Variants in AK7 observed in about 807,000 individuals in gnomAD.
AK7 encodes the protein adenylate kinase 7, also known as ATP-AMP transphosphorylase 7.
Under a neutral mutation model 96.6 loss-of-function variants are expected in AK7, and 78 were observed. The observed-to-expected ratio is 0.81, with a 90% CI of 0.67 to 0.97. The LOEUF is 0.97. Ranked by LOEUF, AK7 falls within the 50% of genes least tolerant of loss-of-function variation. The probability of loss-of-function intolerance (pLI) is 0.00; values close to 1 mark genes in which losing one functional copy is unlikely to be tolerated. For synonymous variants in AK7, 302 were observed against 317.2 expected, an observed-to-expected ratio of 0.95 and a Z score of 0.51; for missense variants, 855 against 887.9, an observed-to-expected ratio of 0.96 and a Z score of 0.47.
At chr14:96,420,023 G>A (rs576620813) in intron 4 of AK7, among the ~76,000 whole-genome samples, 2 of 150,146 alleles carry the variant, frequency 1.3e-5, no homozygotes, top group South Asian at 2.1e-4. Context: ...CTGCCACCAC[G>A]CCTGGCTAAT....
intron 2 of AK7, among the ~76,000 whole-genome samples, chr14:96,401,899 C>G (rs1001173245): frequency 1.3e-5 from 2 of 152,176 alleles, no homozygotes; most frequent in Non-Finnish European, 2.9e-5. Flanking sequence ...AGATGTACCT[C>G]TATGACAGCC....
At position 96,488,981 on chromosome 14, in the gene AK7, G is replaced by T. The variant is rs1376272980; in HGVS notation, c.*638G>T. 1.3e-5 allele frequency: 2 copies of T among 152,052 alleles called. No individual in the cohort carries two copies. The highest frequency in any genetic ancestry group is 6.6e-5 in the Admixed American group (1 of 15,262). The allele number at this position is 152,052 out of a possible 1,614,324, so 9.4% of individuals were successfully genotyped here. ...TTCCAATCTTTGTGATAAGTGAGAA[G>T]TTGCTAAATATTTTCAACACACTTT... On this transcript the variant is annotated 3_prime_UTR_variant, in exon 18 of 18. Transcript: ENST00000267584.
At chr14:96,486,755 T>C in intron 16 of AK7, 143 bp from the exon 17 acceptor site, 1 of 683,188 alleles carries the variant, frequency 1.5e-6, no homozygotes, top group Non-Finnish European at 2.4e-6. Flanking sequence ...ATTTATGTCT[T>C]TTCTCTGCTG....
At chr14:96,466,575 G>A (rs2140144725) in intron 12 of AK7, among the ~76,000 whole-genome samples, 1 of 151,666 alleles carries the variant, frequency 6.6e-6, no homozygotes, top group South Asian at 2.1e-4. Context: ...ATCTCCCTAT[G>A]TTGCCTAGGC....
At chr14:96,466,737 T>C (rs1422745258) in intron 12 of AK7, among the ~76,000 whole-genome samples, 1 of 152,128 alleles carries the variant, frequency 6.6e-6, no homozygotes, top group Non-Finnish European at 1.5e-5. Flanking sequence ...AGGATTAACA[T>C]GAAAAATACA....
chr14:96,421,717 T>C (rs1010986610), intron 5 of AK7, among the ~76,000 whole-genome samples: 33 of 151,820 alleles, frequency 2.2e-4, no homozygotes, highest in African/African-American at 7.5e-4. Flanking sequence ...ATCATTCTCC[T>C]GCCTCAGCCT....
intron 14 of AK7, among the ~76,000 whole-genome samples, chr14:96,476,404 C>T (rs1895181352): frequency 6.6e-6 from 1 of 151,090 alleles, no homozygotes; most frequent in Non-Finnish European, 1.5e-5. Flanking sequence ...ACTTGGGAGG[C>T]TGAGGCAGGA....
At chr14:96,459,782 C>T (rs367856138) in intron 12 of AK7, among the ~76,000 whole-genome samples, 2 of 151,792 alleles carry the variant, frequency 1.3e-5, no homozygotes, top group Admixed American at 6.6e-5. Context: ...AAGGCTGAGG[C>T]AGGAGAATCG....
At chr14:96,487,239 G>T (rs1430291380) in intron 17 of AK7, among the ~76,000 whole-genome samples, 183 bp downstream of exon 17, 2 of 148,724 alleles carry the variant, frequency 1.3e-5, no homozygotes, top group Non-Finnish European at 3.0e-5. Flanking sequence ...AAAAAAATTA[G>T]CTGGGTGTGG....
intron 10 of AK7, among the ~76,000 whole-genome samples, chr14:96,452,149 T>C (rs1893641513): frequency 6.6e-6 from 1 of 152,230 alleles, no homozygotes; most frequent in Non-Finnish European, 1.5e-5. Flanking sequence ...ATAGATTATA[T>C]ACATGTATCC....
chr14:96,469,703 T>C (rs1349068098), intron 12 of AK7, among the ~76,000 whole-genome samples: 4 of 152,232 alleles, frequency 2.6e-5, no homozygotes, highest in Non-Finnish European at 5.9e-5. Context: ...TCTTTTTTTG[T>C]CTTAGCCATA....
chr14:96,476,134 T>G (rs1262820749), intron 14 of AK7, among the ~76,000 whole-genome samples: 1 of 152,226 alleles, frequency 6.6e-6, no homozygotes, highest in Non-Finnish European at 1.5e-5. Context: ...TCCAGTTTGA[T>G]TCTTTGAAGA....
chr14:96,394,774 G>A (rs999608310), intron 1 of AK7, among the ~76,000 whole-genome samples: 4 of 152,202 alleles, frequency 2.6e-5, no homozygotes, highest in African/African-American at 9.7e-5. Flanking sequence ...TCAGGAGTTC[G>A]AGACTAGCCT....
chr14:96,472,502 C>T (rs1275708601), intron 13 of AK7, among the ~76,000 whole-genome samples, 185 bp from the exon 14 acceptor site: 4 of 152,278 alleles, frequency 2.6e-5, no homozygotes, highest in South Asian at 2.1e-4. Context: ...GATGTATATA[C>T]TACATTTTCT....
At chr14:96,430,300 C>T (rs770303157) in intron 5 of AK7, among the ~76,000 whole-genome samples, 42 of 151,652 alleles carry the variant, frequency 2.8e-4, no homozygotes, top group Non-Finnish European at 4.7e-4. Flanking sequence ...ATTCTCCTGC[C>T]TCAGCCTCCC....
At position 96,478,590 on chromosome 14, in the gene AK7, C is replaced by T. The variant is rs544471817; in HGVS notation, c.1681C>T (p.Arg561Trp). ...DRFLRALSNY[R>W]DINIDDETVF... ...ATTCCTCCGGGCTCTGAGCAACTAC[C>T]GGGACATCAATATCGACGATGAGAC... Residue 561 changes from arginine to tryptophan, a missense_variant, in exon 15 of 18, where the codon CGG becomes TGG. By Grantham distance (101) the Arg-to-Trp change is moderately radical. Coordinates refer to ENST00000267584, the MANE Select transcript of AK7 (RefSeq NM_152327.5). 2.5e-5 allele frequency: 41 copies of T among 1,614,152 alleles called. No individual in the cohort carries two copies. Among genetic ancestry groups the T allele is most frequent in the South Asian group, 1.1e-4 (10 of 91,076 alleles).
At chr14:96,442,155 A>G (rs1197334670) in intron 6 of AK7, among the ~76,000 whole-genome samples, 3 of 152,208 alleles carry the variant, frequency 2.0e-5, no homozygotes, top group African/African-American at 7.2e-5. Flanking sequence ...ATACTTAATG[A>G]GAAGAAAAGA....
chr14:96,446,439 T>G (rs1893236878), intron 7 of AK7, 78 bp from the exon 8 acceptor site: 1 of 1,204,288 alleles, frequency 8.3e-7, no homozygotes, highest in Admixed American at 1.7e-5. Flanking sequence ...GCCATGGGGG[T>G]GGTGGTCAGT....
At position 96,452,266 on chromosome 14, in the gene AK7, G is replaced by A. The variant is rs538576632; in HGVS notation, c.1098+696G>A. Among the ~76,000 whole-genome samples, 8 of 152,116 alleles carry A rather than the reference G, an allele frequency of 5.3e-5. No homozygotes were observed. In the South Asian group the frequency reaches 1.7e-3, roughly 32 times the overall value. On this transcript the variant is annotated intron_variant, in intron 10 of 17. Transcript: ENST00000267584. Reference sequence around the variant, plus strand: ...CTTATCATTTTTTATGGTGAAAGGTGGATATTCTTATCTATATAGTATAGA... The same window carrying A: ...CTTATCATTTTTTATGGTGAAAGGTAGATATTCTTATCTATATAGTATAGA...
Sources: allele counts gnomAD v4.1 joint callset (sites outside exome capture counted in the v4.1 genomes callset), GRCh38; gene constraint gnomAD v4.1.1; transcripts MANE v1.5; gene names NCBI Gene and HGNC (gene_info 2026-07-23, HGNC 2026-07-21).